The following SMTNL2 variants were observed in gnomAD, a reference collection of about 807,000 sequenced individuals.
SMTNL2 encodes the protein smoothelin like 2, also known as smoothelin-like protein 2.
In SMTNL2, 43 loss-of-function variants were observed where a neutral mutation model predicts 44.1. That is an observed-to-expected ratio of 0.98 (90% CI 0.76 to 1.26). The LOEUF is 1.26. Among genes scored for constraint, SMTNL2 ranks in the 50% most tolerant of loss-of-function variants. The pLI is 0.00. For synonymous variants in SMTNL2, 317 were observed against 287.6 expected (o/e 1.10, Z -1.03); for missense variants, 646 against 670.2 (o/e 0.96, Z 0.40).
intron 7 of SMTNL2, among the ~76,000 whole-genome samples, chr17:4,605,222 T>C (rs1260403294): frequency 7.5e-6 from 1 of 132,762 alleles, no homozygotes; most frequent in African/African-American, 2.9e-5. Flanking sequence ...AGTGCAGTGG[T>C]GCAATCTGGG....
Position 4,592,900 on chromosome 17 carries a change from C to A in SMTNL2, c.488-29C>A, listed in dbSNP as rs1909637371. 1 of 1,591,282 alleles carries A rather than the reference C, an allele frequency of 6.3e-7. No homozygotes were observed. The highest frequency in any genetic ancestry group is 8.6e-7 in the Non-Finnish European group (1 of 1,164,730). Reference sequence around the variant, plus strand: ...GGCCCCTGTGGCTGCCACAGCTGACCACCCACCCATGCTGGTCACATGTTC... The same window carrying A: ...GGCCCCTGTGGCTGCCACAGCTGACAACCCACCCATGCTGGTCACATGTTC... On this transcript the variant is annotated intron_variant, in intron 2 of 7. Transcript: ENST00000389313. This position sits in a 1 kb window ranked among gnomAD's most constrained non-coding sequence, Gnocchi z 4.5.
chr17:4,605,178 T>C (rs542354090), intron 7 of SMTNL2, among the ~76,000 whole-genome samples: 2 of 146,696 alleles, frequency 1.4e-5, no homozygotes, highest in South Asian at 4.5e-4. Context: ...TTTTTTTTTT[T>C]TGAGGCAGGG....
At chr17:4,586,602 C>T (rs527436654) in intron 1 of SMTNL2, among the ~76,000 whole-genome samples, 1 of 152,198 alleles carries the variant, frequency 6.6e-6, no homozygotes, top group Non-Finnish European at 1.5e-5. Flanking sequence ...TGGCACCAAG[C>T]TAGTCCACTA....
chr17:4,594,148 G>T (rs1462431770), intron 4 of SMTNL2, among the ~76,000 whole-genome samples: 1 of 152,084 alleles, frequency 6.6e-6, no homozygotes, highest in African/African-American at 2.4e-5. Context: ...CTTCAAGTCA[G>T]TCAAAAGATT....
chr17:4,602,353 G>A (rs979267009), intron 7 of SMTNL2, among the ~76,000 whole-genome samples: 25 of 95,448 alleles, frequency 2.6e-4, no homozygotes, highest in Middle Eastern at 0.012. Context: ...ATGGAGTTTC[G>A]TTCTTGTTGC....
chr17:4,595,004 C>T lies in SMTNL2; in HGVS notation c.807-141C>T, dbSNP rs971576747. 36 of 1,121,686 alleles carry T rather than the reference C, an allele frequency of 3.2e-5. No homozygotes were observed. In the East Asian group the frequency reaches 4.0e-4, roughly 13 times the overall value. 69.5% of individuals were successfully genotyped at this position (1,121,686 alleles called of 1,614,324 possible). A position where few individuals can be genotyped will look rare whatever the true frequency, so the allele number is the denominator to read the frequency against. On this transcript the variant is annotated intron_variant, in intron 4 of 7. Transcript: ENST00000389313. The surrounding 1 kb of genome is among the most constrained non-coding windows in gnomAD (Gnocchi z 5.1). ...AAAACCTGTCAAACCAGCTAGGGAC[C>T]GGAGCAAGGGGGCCTCTTCTCTGAG...
chr17:4,588,671 C>T (rs1202584681), intron 1 of SMTNL2, among the ~76,000 whole-genome samples: 1 of 152,194 alleles, frequency 6.6e-6, no homozygotes, highest in African/African-American at 2.4e-5. Context: ...TGACCCCAGT[C>T]CCCCGCCTTT....
At chr17:4,589,781 C>T (rs1190580538) in intron 1 of SMTNL2, among the ~76,000 whole-genome samples, 1 of 151,992 alleles carries the variant, frequency 6.6e-6, no homozygotes, top group Non-Finnish European at 1.5e-5. Flanking sequence ...TTCTCTGGGA[C>T]CCCTCTGCTA....
Position 4,607,561 on chromosome 17 carries a change from G to C in SMTNL2, c.*74G>C. 8 of 1,579,106 alleles carry C rather than the reference G, an allele frequency of 5.1e-6. No individual in the cohort carries two copies. The highest frequency in any genetic ancestry group is 6.9e-6 in the Non-Finnish European group (8 of 1,159,108). On this transcript the variant is annotated 3_prime_UTR_variant, in exon 8 of 8. Coordinates refer to ENST00000389313, the MANE Select transcript of SMTNL2 (RefSeq NM_001114974.2). The surrounding 1 kb of genome is among the most constrained non-coding windows in gnomAD (Gnocchi z 4.7). ...GGTCCGCTTGCGATTCCCCAGCCAG[G>C]ATGCCCCCAGGAGCCTTGCCGTTTG...
At position 4,605,165 on chromosome 17, in the gene SMTNL2, T is replaced by TTG. The variant is rs1348235735; in HGVS notation, c.1260-2195_1260-2194insGT. Among the ~76,000 whole-genome samples the TTG allele has an allele frequency of 3.6e-3, 500 of 138,092 alleles. 4 individuals carry two copies. The highest frequency in any genetic ancestry group is 0.014 in the Middle Eastern group (4 of 286). The allele number at this position is 138,092 out of a possible 152,430, so 90.6% of individuals were successfully genotyped here. On this transcript the variant is annotated intron_variant, in intron 7 of 7. Coordinates refer to ENST00000389313, the MANE Select transcript of SMTNL2 (RefSeq NM_001114974.2). ...ACTTTTTTGTTTGGTTTTTTTTTTT[T>TTG]TTTTTTTTTTTTTTGAGGCAGGGTC...
At chr17:4,603,579 G>T (rs200856345) in intron 7 of SMTNL2, among the ~76,000 whole-genome samples, 6 of 152,180 alleles carry the variant, frequency 3.9e-5, no homozygotes, top group East Asian at 3.9e-4. Flanking sequence ...GCTTCTGACG[G>T]GGGTGTTTGG....
intron 7 of SMTNL2, among the ~76,000 whole-genome samples, chr17:4,606,541 C>T (rs982231296): frequency 3.3e-5 from 5 of 151,926 alleles, no homozygotes; most frequent in South Asian, 2.1e-4. Context: ...GTGGGAAGAT[C>T]GCTTGAGGCA....
chr17:4,603,945 A>G (rs1040988900), intron 7 of SMTNL2, among the ~76,000 whole-genome samples: 10 of 152,062 alleles, frequency 6.6e-5, no homozygotes, highest in African/African-American at 2.4e-4. Flanking sequence ...CCCGAGTTCA[A>G]GTGATTCTCC....
chr17:4,591,241 T>G (rs1204568870), intron 1 of SMTNL2, among the ~76,000 whole-genome samples: 3 of 152,200 alleles, frequency 2.0e-5, no homozygotes, highest in African/African-American at 7.2e-5. Context: ...AGCTGAGCCA[T>G]CTGGGGCCAG....
rs1310846301 is a variant in SMTNL2, at chr17:4,598,816, G to A, written c.1259+1493G>A. Among the ~76,000 whole-genome samples the A allele has an allele frequency of 6.8e-6, 1 of 147,838 alleles. No individual in the cohort carries two copies. The highest frequency in any genetic ancestry group is 2.0e-4 in the East Asian group (1 of 5,040). On this transcript the variant is annotated intron_variant, in intron 7 of 7. Transcript: ENST00000389313. This position sits in a 1 kb window ranked among gnomAD's most constrained non-coding sequence, Gnocchi z 4.8. Reference sequence around the variant, plus strand: ...TCCAGCCTGGGTGGCAGAGTGAGACGCCATCTCTAAAAAAAAAAAAAAAGT... The same window carrying A: ...TCCAGCCTGGGTGGCAGAGTGAGACACCATCTCTAAAAAAAAAAAAAAAGT...
At chr17:4,593,429 C>A (rs763325425) in intron 3 of SMTNL2, among the ~76,000 whole-genome samples, 27 of 152,350 alleles carry the variant, frequency 1.8e-4, no homozygotes, top group Admixed American at 3.9e-4. Context: ...TCTTGCCCTG[C>A]ACGTTGGGCA....
chr17:4,592,876 G>T lies in SMTNL2; in HGVS notation c.488-53G>T, dbSNP rs564563825. On this transcript the variant is annotated intron_variant, in intron 2 of 7. Coordinates refer to ENST00000389313, the MANE Select transcript of SMTNL2 (RefSeq NM_001114974.2). The surrounding 1 kb of genome is among the most constrained non-coding windows in gnomAD (Gnocchi z 4.5). ...CTAGAGCCCTCCTGGGAGGTCCCAGGCCCCTGTGGCTGCCACAGCTGACCA... is the reference window on the plus strand; with the variant it reads ...CTAGAGCCCTCCTGGGAGGTCCCAGTCCCCTGTGGCTGCCACAGCTGACCA... 9.8e-5 allele frequency: 154 copies of T among 1,572,616 alleles called. 1 individual carries two copies. In the African/African-American group the frequency reaches 1.7e-3, roughly 17 times the overall value.
At chr17:4,601,133 G>T (rs562872029) in intron 7 of SMTNL2, among the ~76,000 whole-genome samples, 1 of 152,204 alleles carries the variant, frequency 6.6e-6, no homozygotes, top group African/African-American at 2.4e-5. Context: ...GATTGGCCGC[G>T]CACAGTGGCT....
intron 1 of SMTNL2, among the ~76,000 whole-genome samples, chr17:4,587,788 C>G (rs1909403508): frequency 6.6e-6 from 1 of 152,238 alleles, no homozygotes; most frequent in East Asian, 1.9e-4. Context: ...GTCCCCTGAA[C>G]TCAATACAGG....
Sources: gnomAD v4.1 joint callset for allele counts (sites outside exome capture counted in the v4.1 genomes callset) on GRCh38, gnomAD v4.1.1 for gene constraint, Gnocchi (gnomAD v3.1) non-coding constraint, MANE v1.5 for transcripts, NCBI Gene and HGNC (gene_info 2026-07-23, HGNC 2026-07-21) for gene names.